FBXL20: variants seen among roughly 807,000 people sequenced by gnomAD.
FBXL20 encodes the protein F-box and leucine rich repeat protein 20.
In FBXL20, 11 loss-of-function variants were observed where a neutral mutation model predicts 64.0. The observed-to-expected ratio is 0.17, with a 90% confidence interval of 0.11 to 0.28. The LOEUF (loss-of-function observed/expected upper bound fraction) is 0.28. Among genes scored for constraint, FBXL20 ranks in the 10% least tolerant of loss-of-function variants. FBXL20 has a pLI of 1.00. For missense variants in FBXL20, 303 were observed against 526.2 expected, an observed-to-expected ratio of 0.58 and a Z score of 4.15; for synonymous variants, 184 against 189.0, an observed-to-expected ratio of 0.97 and a Z score of 0.22.
intron 6 of FBXL20, among the ~76,000 whole-genome samples, chr17:39,293,726 G>GT (rs2047061029): frequency 6.6e-6 from 1 of 151,698 alleles, no homozygotes; most frequent in Admixed American, 6.6e-5. Context: ...CCCAGTAATT[G>GT]TTTTTTTCCT....
At chr17:39,341,233 T>C (rs1463767944) in intron 2 of FBXL20, among the ~76,000 whole-genome samples, 1 of 152,144 alleles carries the variant, frequency 6.6e-6, no homozygotes, top group Non-Finnish European at 1.5e-5. Flanking sequence ...AATTGGTTGT[T>C]TGGAATTCAA....
At chr17:39,369,311 G>A (rs894743729) in intron 1 of FBXL20, among the ~76,000 whole-genome samples, 5 of 141,194 alleles carry the variant, frequency 3.5e-5, no homozygotes, top group African/African-American at 1.4e-4. Context: ...AGGCTGGAGT[G>A]CAGTGGTGTG....
chr17:39,279,207 G>A (rs1267399559), intron 9 of FBXL20, among the ~76,000 whole-genome samples: 2 of 151,980 alleles, frequency 1.3e-5, no homozygotes, highest in Non-Finnish European at 2.9e-5. Context: ...ATAGTAATCG[G>A]AATTGTAAGG....
At chr17:39,276,358 GGAA>G (rs2046894236) in intron 9 of FBXL20, among the ~76,000 whole-genome samples, 1 of 150,930 alleles carries the variant, frequency 6.6e-6, no homozygotes, top group Admixed American at 6.6e-5. Context: ...AAGAAAGAAA[GGAA>G]GAAGGAGGGA....
chr17:39,380,618 C>T lies in FBXL20; in HGVS notation c.42+20743G>A, dbSNP rs139478428. ...TCAGCTCCCTTCCCCCCTTTCCTGC[C>T]CTTTATTTTGCCCATCACTATCATT... On this transcript the variant is annotated intron_variant, in intron 1 of 14. Coordinates refer to ENST00000264658, the MANE Select transcript of FBXL20 (RefSeq NM_032875.3). Among the ~76,000 whole-genome samples the T allele has an allele frequency of 1.6e-4, 24 of 152,188 alleles. No individual in the cohort carries two copies. In the East Asian group the frequency reaches 4.6e-3, roughly 29 times the overall value.
chr17:39,315,802 T>A (rs2047282163), intron 2 of FBXL20, among the ~76,000 whole-genome samples: 2 of 128,132 alleles, frequency 1.6e-5, no homozygotes, highest in South Asian at 5.2e-4. Flanking sequence ...GAAGAGGGGA[T>A]CTTTGAGAGA....
intron 2 of FBXL20, among the ~76,000 whole-genome samples, chr17:39,317,578 G>T (rs775931723): frequency 6.6e-6 from 1 of 150,758 alleles, no homozygotes; most frequent in Non-Finnish European, 1.5e-5. Flanking sequence ...AAATAATATG[G>T]TGATTATAAA....
intron 1 of FBXL20, among the ~76,000 whole-genome samples, chr17:39,381,812 A>G (rs1332194037): frequency 5.3e-5 from 8 of 151,928 alleles, no homozygotes; most frequent in Non-Finnish European, 1.2e-4. Flanking sequence ...AAAAAAAAAA[A>G]AAGGCCGGGC....
At chr17:39,270,161 C>T (rs2046830829) in intron 11 of FBXL20, among the ~76,000 whole-genome samples, 1 of 152,142 alleles carries the variant, frequency 6.6e-6, no homozygotes, top group East Asian at 1.9e-4. Flanking sequence ...TACTTTCATC[C>T]ACTAGTCATG....
intron 1 of FBXL20, among the ~76,000 whole-genome samples, chr17:39,387,536 C>T (rs533568931): frequency 2.4e-4 from 37 of 151,804 alleles, no homozygotes; most frequent in African/African-American, 8.7e-4. Flanking sequence ...GTCTCGGCCT[C>T]CCAAAGTGCT....
upstream of FBXL20, chr17:39,401,812 G>A (rs1405261413): frequency 4.0e-6 from 3 of 749,912 alleles, no homozygotes; most frequent in Non-Finnish European, 5.1e-6. Context: ...GCGCTCCCGG[G>A]AGCAGCCGGT....
chr17:39,318,672 G>A (rs765413283), intron 2 of FBXL20, among the ~76,000 whole-genome samples: 12 of 152,036 alleles, frequency 7.9e-5, no homozygotes, highest in Non-Finnish European at 1.6e-4. Flanking sequence ...CCAGGGAGGC[G>A]AAGGTTTCAG....
At chr17:39,318,502 A>C (rs1245660744) in intron 2 of FBXL20, among the ~76,000 whole-genome samples, 8 of 152,196 alleles carry the variant, frequency 5.3e-5, no homozygotes, top group Non-Finnish European at 1.2e-4. Flanking sequence ...GCACTTTGGG[A>C]GGCCAAGGCA....
chr17:39,289,554 GGCT>G (rs2047018688), intron 6 of FBXL20, among the ~76,000 whole-genome samples: 1 of 152,042 alleles, frequency 6.6e-6, no homozygotes, highest in Non-Finnish European at 1.5e-5. Context: ...CTACTTGGGA[GGCT>G]GAGGTGGGAG....
At chr17:39,389,584 T>C (rs1253688121) in intron 1 of FBXL20, among the ~76,000 whole-genome samples, 1 of 152,018 alleles carries the variant, frequency 6.6e-6, no homozygotes, top group African/African-American at 2.4e-5. Flanking sequence ...TCTGTGAGGC[T>C]GATGCAAGCA....
intron 2 of FBXL20, among the ~76,000 whole-genome samples, chr17:39,309,890 T>C (rs1205426010): frequency 1.3e-5 from 2 of 150,764 alleles, no homozygotes; most frequent in Admixed American, 1.3e-4. Flanking sequence ...GGCTCACACC[T>C]GTAATCCCAG....
At chr17:39,401,181 TGGGG>T (rs762087781) in intron 1 of FBXL20, among the ~76,000 whole-genome samples, 176 bp downstream of exon 1, 9 of 151,878 alleles carry the variant, frequency 5.9e-5, no homozygotes, top group Non-Finnish European at 1.2e-4. Flanking sequence ...GCGAGGGGAC[TGGGG>T]GCACCGGGCT....
chr17:39,327,966 G>A (rs2144530197), intron 2 of FBXL20, among the ~76,000 whole-genome samples: 1 of 152,236 alleles, frequency 6.6e-6, no homozygotes, highest in South Asian at 2.1e-4. Flanking sequence ...TATAGTTTCT[G>A]GCCAGGCAAA....
intron 2 of FBXL20, among the ~76,000 whole-genome samples, chr17:39,332,591 G>C (rs1940124105): frequency 6.8e-6 from 1 of 147,112 alleles, no homozygotes; most frequent in Non-Finnish European, 1.5e-5. Flanking sequence ...GCCCAGGCTG[G>C]AGTGCAGTGA....
Sources: gnomAD v4.1 joint callset for allele counts (sites outside exome capture counted in the v4.1 genomes callset) on GRCh38, gnomAD v4.1.1 for gene constraint, MANE v1.5 for transcripts, NCBI Gene and HGNC (gene_info 2026-07-23, HGNC 2026-07-21) for gene names.